PTPN20: variants seen among roughly 807,000 people sequenced by gnomAD.
The protein encoded by PTPN20 is protein tyrosine phosphatase non-receptor type 20, also known as tyrosine-protein phosphatase non-receptor type 20.
A neutral mutation model predicts 35.0 loss-of-function variants in PTPN20; 9 were observed. That is an observed-to-expected ratio of 0.26 (90% CI 0.15 to 0.45). The LOEUF (loss-of-function observed/expected upper bound fraction) is 0.45, where lower values mean the gene tolerates loss of function less well. PTPN20 is among the 20% of genes least tolerant of loss of function. PTPN20 has a pLI of 1.00. For synonymous variants in PTPN20, 32 were observed against 100.2 expected (o/e 0.32, Z 4.06); for missense variants, 111 against 312.5 (o/e 0.36, Z 4.86).
intron 9 of PTPN20, among the ~76,000 whole-genome samples, chr10:46,997,784 A>G (rs1216008500): frequency 1.3e-5 from 2 of 152,212 alleles, no homozygotes; most frequent in African/African-American, 4.8e-5. Context: ...GAGAACATAC[A>G]GATGACAAGC....
At chr10:46,925,886 A>G (rs1356075672) in intron 1 of PTPN20, 1 of 672,708 alleles carries the variant, frequency 1.5e-6, no homozygotes, top group Non-Finnish European at 1.8e-6. Context: ...ATTAAGGACA[A>G]GGTTGGCCTT....
intron 2 of PTPN20, among the ~76,000 whole-genome samples, chr10:46,939,795 A>T (rs1555132128): frequency 6.7e-6 from 1 of 149,936 alleles, no homozygotes; most frequent in Admixed American, 6.7e-5. Context: ...GATATTTCTT[A>T]ATGTTTTAAT....
At chr10:46,955,433 CAGA>C (rs2048183894) in intron 5 of PTPN20, among the ~76,000 whole-genome samples, 1 of 151,872 alleles carries the variant, frequency 6.6e-6, no homozygotes, top group African/African-American at 2.4e-5. Context: ...ATCTCCCATG[CAGA>C]AGAATTCCTG....
chr10:46,999,347 GT>G (rs2059705486), intron 9 of PTPN20, among the ~76,000 whole-genome samples: 1 of 152,174 alleles, frequency 6.6e-6, no homozygotes, highest in African/African-American at 2.4e-5. Context: ...ACACTTCTCA[GT>G]GCTGTGCCAG....
chr10:46,922,615 G>A, intron 1 of PTPN20, among the ~76,000 whole-genome samples: 2 of 127,646 alleles, frequency 1.6e-5, no homozygotes, highest in South Asian at 2.5e-4. Context: ...AGCACTTGAT[G>A]GGTTTGAAAG....
chr10:46,977,443 C>G (rs1159537671), intron 7 of PTPN20, among the ~76,000 whole-genome samples: 1 of 152,284 alleles, frequency 6.6e-6, no homozygotes, highest in East Asian at 1.9e-4. Context: ...TTATGAATTA[C>G]TTCCCTAATC....
intron 5 of PTPN20, among the ~76,000 whole-genome samples, chr10:46,957,648 A>C (rs2048804659): frequency 6.6e-6 from 1 of 151,130 alleles, no homozygotes. Context: ...GAGGCAGAGC[A>C]GGAGAGTCAC....
intron 5 of PTPN20, among the ~76,000 whole-genome samples, chr10:46,949,158 T>C (rs1354724360): frequency 6.6e-6 from 1 of 152,128 alleles, no homozygotes; most frequent in Non-Finnish European, 1.5e-5. Context: ...TTTTCGACCA[T>C]GACAGTGGCT....
At chr10:46,948,249 G>T (rs1349434951) in intron 5 of PTPN20, among the ~76,000 whole-genome samples, 2 of 151,808 alleles carry the variant, frequency 1.3e-5, no homozygotes, top group African/African-American at 4.8e-5. Flanking sequence ...AATGCGTTTT[G>T]TTTGCATTTT....
At chr10:46,947,084 TAAC>T (rs1261048222) in intron 5 of PTPN20, among the ~76,000 whole-genome samples, 3 of 144,018 alleles carry the variant, frequency 2.1e-5, no homozygotes, top group Non-Finnish European at 4.6e-5. Flanking sequence ...AAAAAGACAA[TAAC>T]AAATATATAA....
At chr10:46,959,154 G>A (rs1296892177) in intron 5 of PTPN20, among the ~76,000 whole-genome samples, 1 of 129,622 alleles carries the variant, frequency 7.7e-6, no homozygotes, top group Non-Finnish European at 1.7e-5. Flanking sequence ...CTTCATTTCT[G>A]TCAATTTTTG....
At chr10:46,998,295 T>C (rs1230963223) in intron 9 of PTPN20, among the ~76,000 whole-genome samples, 3 of 152,212 alleles carry the variant, frequency 2.0e-5, no homozygotes, top group African/African-American at 4.8e-5. Flanking sequence ...TATTTAGCAA[T>C]AAAAGGAAGC....
intron 7 of PTPN20, among the ~76,000 whole-genome samples, chr10:46,983,080 T>TG (rs1458520213): frequency 2.7e-5 from 3 of 112,568 alleles, no homozygotes; most frequent in African/African-American, 3.1e-5. Context: ...TTTTTTTTTT[T>TG]TTTTTTGTTT....
intron 10 of PTPN20, 151 bp from the exon 11 acceptor site, chr10:47,000,525 T>C: frequency 2.5e-6 from 2 of 802,750 alleles, no homozygotes; most frequent in Non-Finnish European, 4.0e-6. Flanking sequence ...TAAAAATGTA[T>C]TCACGTAAAG....
chr10:46,939,239 T>G (rs2042689602), intron 2 of PTPN20, among the ~76,000 whole-genome samples: 1 of 130,850 alleles, frequency 7.6e-6, no homozygotes, highest in South Asian at 2.7e-4. Context: ...AAATGGTTAT[T>G]ACACTATTTA....
chr10:46,988,954 G>T (rs2057392127), intron 9 of PTPN20, among the ~76,000 whole-genome samples: 1 of 140,480 alleles, frequency 7.1e-6, no homozygotes, highest in African/African-American at 2.6e-5. Context: ...TGTCGACTTT[G>T]TATCCTGCAA....
intron 1 of PTPN20, among the ~76,000 whole-genome samples, chr10:46,923,814 A>G (rs1269516150): frequency 6.6e-6 from 1 of 151,380 alleles, no homozygotes; most frequent in African/African-American, 2.4e-5. Flanking sequence ...GAGTGTTTCT[A>G]TACATGAACA....
At chr10:46,947,405 C>T (rs1424644347) in intron 5 of PTPN20, among the ~76,000 whole-genome samples, 1 of 150,800 alleles carries the variant, frequency 6.6e-6, no homozygotes, top group Admixed American at 6.6e-5. Flanking sequence ...AAAATATCAC[C>T]TTATGCAATT....
At chr10:46,988,146 A>G (rs1206239465) in intron 9 of PTPN20, among the ~76,000 whole-genome samples, 3 of 152,202 alleles carry the variant, frequency 2.0e-5, no homozygotes, top group Non-Finnish European at 4.4e-5. Context: ...AGATAGACAC[A>G]GGAATCAGAT....
Sources: gnomAD v4.1 joint callset for allele counts (sites outside exome capture counted in the v4.1 genomes callset) on GRCh38, gnomAD v4.1.1 for gene constraint, MANE v1.5 for transcripts, NCBI Gene and HGNC (gene_info 2026-07-23, HGNC 2026-07-21) for gene names.